NINL: variants seen among roughly 807,000 people sequenced by gnomAD.
NINL encodes the protein ninein like.
Under a neutral mutation model 160.3 loss-of-function variants are expected in NINL, and 153 were observed. That is an observed-to-expected ratio of 0.95 (90% CI 0.84 to 1.09). The LOEUF is 1.09. Among genes scored for constraint, NINL ranks in the 50% least tolerant of loss-of-function variants. NINL has a pLI of 0.00. For synonymous variants in NINL, 800 were observed against 734.8 expected, an observed-to-expected ratio of 1.09 and a Z score of -1.43; for missense variants, 1,829 against 1,764.0, an observed-to-expected ratio of 1.04 and a Z score of -0.66.
chr20:25,585,275 G>A (rs997608609), intron 1 of NINL, among the ~76,000 whole-genome samples, 180 bp downstream of exon 1: 1 of 152,196 alleles, frequency 6.6e-6, no homozygotes, highest in African/African-American at 2.4e-5. Context: ...AGGGCGACCG[G>A]AAGAGCAGGC....
chr20:25,485,566 C>T (rs1020411027), intron 13 of NINL, among the ~76,000 whole-genome samples: 1 of 152,206 alleles, frequency 6.6e-6, no homozygotes, highest in Admixed American at 6.5e-5. Context: ...GGTACTTATA[C>T]ACCTTTTTCT....
Position 25,500,928 on chromosome 20 carries a change from A to G in NINL, c.944T>C (p.Ile315Thr). Residue 315 changes from isoleucine (I) to threonine (T), a missense_variant, in exon 8 of 24, where the codon ATT becomes ACT. By Grantham distance (89) the Ile-to-Thr change is moderately conservative (BLOSUM62 -1). Transcript: ENST00000278886. ...LCSSLRLFSS[I>T]DDGSGFAFPD... ...AAAAGCGAAGCCAGAACCATCGTCAATGCTGGAGAAGAGGCGCAGGCTGGA... is the reference window on the plus strand; with the variant it reads ...AAAAGCGAAGCCAGAACCATCGTCAGTGCTGGAGAAGAGGCGCAGGCTGGA... 1 of 1,614,230 alleles carries G rather than the reference A, an allele frequency of 6.2e-7. No homozygotes were observed. Among genetic ancestry groups the G allele is most frequent in the South Asian group, 1.1e-5 (1 of 91,080 alleles).
chr20:25,533,723 T>C (rs1401832213), intron 1 of NINL, among the ~76,000 whole-genome samples: 6 of 152,186 alleles, frequency 3.9e-5, no homozygotes, highest in African/African-American at 1.4e-4. Context: ...ACTGCAGATA[T>C]CCACAAGCAA....
chr20:25,518,106 A>G (rs2064193324), intron 2 of NINL, among the ~76,000 whole-genome samples: 1 of 152,238 alleles, frequency 6.6e-6, no homozygotes. Context: ...TAATTAGGAA[A>G]GAGGGATCTG....
intron 18 of NINL, among the ~76,000 whole-genome samples, chr20:25,469,226 G>A (rs1264294356): frequency 1.9e-5 from 1 of 53,800 alleles, no homozygotes; most frequent in Non-Finnish European, 3.4e-5. Flanking sequence ...GCGCCCGCCT[G>A]CCCTGTCCCC....
Position 25,499,945 on chromosome 20 carries a change from CAAAAAAAAAAAAA to C in NINL, c.1032+882_1032+894del, listed in dbSNP as rs11476280. Among the ~76,000 whole-genome samples, 10 of 61,438 alleles carry C rather than the reference CAAAAAAAAAAAAA, an allele frequency of 1.6e-4. No individual in the cohort carries two copies. In the Admixed American group the frequency reaches 1.9e-3, roughly 12 times the overall value. The allele number at this position is 61,438 out of a possible 152,430, so 40.3% of individuals were successfully genotyped here. A position where few individuals can be genotyped will look rare whatever the true frequency, so the allele number is the denominator to read the frequency against. On this transcript the variant is annotated intron_variant, in intron 8 of 23. Transcript: ENST00000278886. Reference sequence around the variant, plus strand: ...GACAAACAGTATGACACCAATTTCGCAAAAAAAAAAAAAAAAAAAAAAAAAATTTAGCCAGAAT... The same window carrying C: ...GACAAACAGTATGACACCAATTTCGCAAAAAAAAAAAAATTTAGCCAGAAT...
At chr20:25,496,540 T>C (rs2063756331) in intron 10 of NINL, 123 bp downstream of exon 10, 4 of 1,163,610 alleles carry the variant, frequency 3.4e-6, no homozygotes, top group Admixed American at 2.2e-5. Flanking sequence ...TCAGGTGAAA[T>C]AGGGGGGTCT....
At chr20:25,480,128 C>T in intron 15 of NINL, 33 bp downstream of exon 15, 1 of 1,511,984 alleles carries the variant, frequency 6.6e-7, no homozygotes, top group Non-Finnish European at 9.2e-7. Flanking sequence ...GCAGCTACTC[C>T]CCCAGGGCCC....
At chr20:25,460,214 C>T (rs1262244539) in intron 21 of NINL, among the ~76,000 whole-genome samples, 2 of 152,212 alleles carry the variant, frequency 1.3e-5, no homozygotes, top group Non-Finnish European at 2.9e-5. Context: ...CAGCTTCAGG[C>T]CCAGCCTCTC....
chr20:25,501,074 T>C (rs2063859081), intron 7 of NINL, 64 bp from the exon 8 acceptor site: 1 of 1,547,254 alleles, frequency 6.5e-7, no homozygotes, highest in East Asian at 2.4e-5. Context: ...GTGCTGCTGA[T>C]GTGCTCTCCA....
intron 1 of NINL, among the ~76,000 whole-genome samples, chr20:25,582,679 G>A (rs1187262590): frequency 6.6e-6 from 1 of 152,164 alleles, no homozygotes; most frequent in Non-Finnish European, 1.5e-5. Context: ...AAAGGGACAA[G>A]CATGAAAGTA....
At chr20:25,486,862 T>C (rs565640765) in intron 13 of NINL, among the ~76,000 whole-genome samples, 35 of 152,346 alleles carry the variant, frequency 2.3e-4, no homozygotes, top group Admixed American at 2.0e-3. Context: ...CAATGCTTTA[T>C]CTGGTTCTCT....
rs904950980 is a variant in NINL at position 25,512,980 on chromosome 20, A to T, written c.304T>A (p.Tyr102Asn). 19 of 1,601,956 alleles carry T rather than the reference A, an allele frequency of 1.2e-5. No homozygotes were observed. The highest frequency in any genetic ancestry group is 1.6e-5 in the Non-Finnish European group (19 of 1,172,710). The change falls in exon 4 of 24, where the codon TAT becomes AAT. Residue 102 changes from tyrosine (Y) to asparagine (N), a missense_variant. Coordinates refer to ENST00000278886, the MANE Select transcript of NINL (RefSeq NM_025176.6). ...SAASSAIPPK[Y>N]VNGSKWYGRR... ...CCATACCACTTAGAACCATTCACAT[A>T]CTTTGGAGGGATGGCACTGGAGGCA...
intron 1 of NINL, among the ~76,000 whole-genome samples, chr20:25,532,575 A>G (rs1191396982): frequency 6.6e-6 from 1 of 152,226 alleles, no homozygotes; most frequent in East Asian, 1.9e-4. Context: ...CTCAAAGCCC[A>G]TGGCTGAGTT....
At chr20:25,583,916 T>C (rs186266193) in intron 1 of NINL, among the ~76,000 whole-genome samples, 19 of 151,810 alleles carry the variant, frequency 1.3e-4, no homozygotes, top group Admixed American at 7.2e-4. Context: ...TAAGTGGGAG[T>C]TGACAATGAG....
intron 18 of NINL, among the ~76,000 whole-genome samples, chr20:25,468,403 A>C: frequency 1.6e-5 from 2 of 122,340 alleles, no homozygotes; most frequent in Non-Finnish European, 3.3e-5. Flanking sequence ...CCCGACTCTC[A>C]CTGGTGGGTG....
chr20:25,509,715 T>A (rs1162499757), intron 5 of NINL: 6 of 456,760 alleles, frequency 1.3e-5, no homozygotes, highest in Admixed American at 7.0e-5. Flanking sequence ...ATCATGTAAG[T>A]CAGCAGTAAC....
intron 1 of NINL, among the ~76,000 whole-genome samples, chr20:25,547,113 A>T (rs1429472209): frequency 6.6e-6 from 1 of 152,108 alleles, no homozygotes; most frequent in East Asian, 1.9e-4. Context: ...AAACCCTCAG[A>T]ATTTCCTGAG....
In NINL at chr20:25,467,401, C is replaced by T; in HGVS notation, c.3411G>A (p.Val1137=). Residue 1137 remains valine, a synonymous_variant, in exon 19 of 24, where the codon GTG becomes GTA. Coordinates refer to ENST00000278886, the MANE Select transcript of NINL (RefSeq NM_025176.6). Reference sequence around the variant, plus strand: ...GTCGATACGTCACCTGTCTGTTGAGCACCTCCATCTCAGAGCAGGCCTTTT... The same window carrying T: ...GTCGATACGTCACCTGTCTGTTGAGTACCTCCATCTCAGAGCAGGCCTTTT... ...DKEKACSEME[V]LNRQNQNYKD... 1 of 1,613,710 alleles carries T rather than the reference C, an allele frequency of 6.2e-7. No homozygotes were observed. The highest frequency in any genetic ancestry group is 8.5e-7 in the Non-Finnish European group (1 of 1,179,560).
Sources: allele counts gnomAD v4.1 joint callset (sites outside exome capture counted in the v4.1 genomes callset), GRCh38; gene constraint gnomAD v4.1.1; transcripts MANE v1.5; gene names NCBI Gene and HGNC (gene_info 2026-07-23, HGNC 2026-07-21).